TRIM36: variants seen among roughly 807,000 people sequenced by gnomAD.
TRIM36 encodes tripartite motif containing 36.
TRIM36 carries 42 observed loss-of-function variants against 72.4 expected under a neutral mutation model. The ratio of observed to expected loss-of-function variants is 0.58; its 90% CI spans 0.45 to 0.75. TRIM36 has a LOEUF of 0.75. Among genes scored for constraint, TRIM36 ranks in the 30% least tolerant of loss-of-function variants. TRIM36 has a pLI of 0.00. For synonymous variants in TRIM36, 315 were observed against 282.8 expected, an observed-to-expected ratio of 1.11 and a Z score of -1.14; for missense variants, 913 against 857.1, an observed-to-expected ratio of 1.07 and a Z score of -0.81.
chr5:115,157,171 T>C (rs1754217748), intron 2 of TRIM36, among the ~76,000 whole-genome samples: 1 of 151,066 alleles, frequency 6.6e-6, no homozygotes, highest in South Asian at 2.1e-4. Flanking sequence ...CAGTAGATGT[T>C]GGCGTGGATG....
Position 115,163,626 on chromosome 5 carries a change from G to C in TRIM36, c.154C>G (p.Leu52Val). 1 of 1,614,170 alleles carries C rather than the reference G, an allele frequency of 6.2e-7. No individual in the cohort carries two copies. ...HKCVKELLLT[L>V]DDSFNDVGSD... The stretch of plus-strand genomic sequence containing the variant: ...CCCACATCGTTGAATGAATCATCGA[G>C]AGTCAGCAGGAGTTCTTTTACACAT... The change falls in exon 2 of 10, where the codon CTC becomes GTC. Residue 52 changes from leucine (L) to valine (V), a missense_variant. Transcript: ENST00000513154.
intron 4 of TRIM36, among the ~76,000 whole-genome samples, chr5:115,144,299 T>C (rs1753455157): frequency 6.6e-6 from 1 of 152,160 alleles, no homozygotes; most frequent in African/African-American, 2.4e-5. Context: ...TATACATCCA[T>C]TATCATAGAC....
chr5:115,141,429 T>C lies in TRIM36; in HGVS notation c.736-55A>G, dbSNP rs556587700. ...ACAAAACGGGAGTTTAGCAAAGACTTTGCAGAATTTTTTTTTAATTACACA... is the reference window on the plus strand; with the variant it reads ...ACAAAACGGGAGTTTAGCAAAGACTCTGCAGAATTTTTTTTTAATTACACA... On this transcript the variant is annotated intron_variant, in intron 4 of 9. Transcript: ENST00000513154. 2.1e-5 allele frequency: 28 copies of C among 1,319,110 alleles called. 1 individual carries two copies. Among genetic ancestry groups the C allele is most frequent in the Admixed American group, 8.0e-5 (3 of 37,562 alleles). 81.7% of individuals were successfully genotyped at this position (1,319,110 alleles called of 1,614,324 possible).
chr5:115,147,006 T>C, intron 3 of TRIM36, 63 bp downstream of exon 3: 2 of 1,367,452 alleles, frequency 1.5e-6, no homozygotes, highest in Middle Eastern at 3.9e-4. Flanking sequence ...TAACATTAAG[T>C]ACATAAAAGT....
chr5:115,167,641 A>G (rs1334471461), intron 1 of TRIM36, among the ~76,000 whole-genome samples: 1 of 152,224 alleles, frequency 6.6e-6, no homozygotes, highest in Non-Finnish European at 1.5e-5. Flanking sequence ...CCATACCACT[A>G]GCAGAATTTT....
Position 115,130,607 on chromosome 5 carries a change from T to C in TRIM36, c.1781A>G (p.Asp594Gly), listed in dbSNP as rs1752624344. ...KLQEWLRSPRDAVSPRYEQDS... is the reference protein window; with the variant it reads ...KLQEWLRSPRGAVSPRYEQDS... ...AAAAACCTACCTTGGACTAACTGCATCCCGGGGAGAACGGAGCCATTCTTG... is the reference window on the plus strand; with the variant it reads ...AAAAACCTACCTTGGACTAACTGCACCCCGGGGAGAACGGAGCCATTCTTG... The change falls in exon 9 of 10, where the codon GAT becomes GGT. Residue 594 changes from aspartate to glycine, a missense_variant. Asp to Gly is a moderately conservative substitution (Grantham distance 94). Transcript: ENST00000513154. The C allele has an allele frequency of 6.2e-7, 1 of 1,613,854 alleles. No homozygotes were observed. The highest frequency in any genetic ancestry group is 1.3e-5 in the African/African-American group (1 of 74,910).
chr5:115,131,971 G>C (rs1387427857), intron 8 of TRIM36, among the ~76,000 whole-genome samples: 1 of 152,058 alleles, frequency 6.6e-6, no homozygotes, highest in Non-Finnish European at 1.5e-5. Flanking sequence ...AAACAATACT[G>C]TAAATGTACT....
intron 8 of TRIM36, among the ~76,000 whole-genome samples, chr5:115,133,483 C>A (rs911597391): frequency 6.6e-6 from 1 of 152,004 alleles, no homozygotes; most frequent in Admixed American, 6.5e-5. Context: ...GGATATTAGA[C>A]CAATAAATTT....
rs374513175 is a variant in TRIM36 at position 115,141,679 on chromosome 5, G to C, written c.736-305C>G. Among the ~76,000 whole-genome samples, 18 of 152,134 alleles carry C rather than the reference G, an allele frequency of 1.2e-4. 4 individuals are homozygous for C. Among genetic ancestry groups the C allele is most frequent in the East Asian group, 1.9e-4 (1 of 5,180 alleles). ...TTTTATTGTTTCATTATCATTCCTA[G>C]AGCTCCTGCTCCTAAGGCTTCTAAG... On this transcript the variant is annotated intron_variant, in intron 4 of 9. Coordinates refer to ENST00000513154, the MANE Select transcript of TRIM36 (RefSeq NM_001300759.2).
chr5:115,159,762 C>G, intron 2 of TRIM36: 1 of 414,158 alleles, frequency 2.4e-6, no homozygotes. Flanking sequence ...GTAACTGTGT[C>G]CTGAAAATAA....
chr5:115,172,464 A>G (rs7716390), upstream of TRIM36, among the ~76,000 whole-genome samples: 60,617 of 152,082 alleles, frequency 0.4, 14,270 homozygotes, highest in African/African-American at 0.66. Context: ...TAATGTGTGC[A>G]GTGGCCCACA....
chr5:115,126,210 G>A lies in TRIM36; in HGVS notation c.*293C>T, dbSNP rs1752352655. 7.2e-6 allele frequency: 2 copies of A among 279,240 alleles called. No homozygotes were observed. Among genetic ancestry groups the A allele is most frequent in the Admixed American group, 9.4e-5 (2 of 21,218 alleles). The allele number at this position is 279,240 out of a possible 1,614,324, so 17.3% of individuals were successfully genotyped here. On this transcript the variant is annotated 3_prime_UTR_variant, in exon 10 of 10. Coordinates refer to ENST00000513154, the MANE Select transcript of TRIM36 (RefSeq NM_001300759.2). ...CATAAGGAAAGTGTCAGCAACACCA[G>A]CTGACAGAAATAAATTAGATATCCT...
intron 5 of TRIM36, among the ~76,000 whole-genome samples, chr5:115,139,933 G>A (rs1753185998): frequency 6.6e-6 from 1 of 152,108 alleles, no homozygotes. Flanking sequence ...AGAGCAGCAG[G>A]ACTGAGAGGA....
At chr5:115,179,466 C>T (rs115253040) in intron 1 of TRIM36, among the ~76,000 whole-genome samples, 2,493 of 152,342 alleles carry the variant, frequency 0.016, 30 homozygotes, top group Non-Finnish European at 0.024. Flanking sequence ...CAGGGCAGGG[C>T]GAACGAACGT....
At chr5:115,168,904 T>C (rs1754930385) in intron 1 of TRIM36, 1 of 152,266 alleles carries the variant, frequency 6.6e-6, no homozygotes, top group Non-Finnish European at 1.5e-5. Context: ...TCCATTTTCT[T>C]GTACATAAAG....
intron 2 of TRIM36, among the ~76,000 whole-genome samples, chr5:115,159,453 T>C (rs1250050634): frequency 6.6e-6 from 1 of 152,232 alleles, no homozygotes; most frequent in Admixed American, 6.5e-5. Flanking sequence ...TGTTTTCTTT[T>C]AAAAACATCA....
chr5:115,138,250 C>T lies in TRIM36; in HGVS notation c.832-634G>A, dbSNP rs147773371. ...AAGTAGCTGGGACTACAGGCACATG[C>T]CACCACGCCCAGCTTTTTTTCAATA... On this transcript the variant is annotated intron_variant, in intron 5 of 9. Transcript: ENST00000513154. Among the ~76,000 whole-genome samples, 1,350 of 152,228 alleles carry T rather than the reference C, an allele frequency of 8.9e-3. 19 individuals carry two copies. Among genetic ancestry groups the T allele is most frequent in the African/African-American group, 0.031 (1,308 of 41,530 alleles).
chr5:115,141,926 T>C (rs1056622528), intron 4 of TRIM36, among the ~76,000 whole-genome samples: 9 of 152,176 alleles, frequency 5.9e-5, no homozygotes, highest in African/African-American at 1.9e-4. Flanking sequence ...CTTTGAATAA[T>C]CTGTCTGTAA....
At chr5:115,148,263 T>A (rs537828980) in intron 2 of TRIM36, 817 of 867,372 alleles carry the variant, frequency 9.4e-4, no homozygotes, top group Non-Finnish European at 1.1e-3. Context: ...ATGAATGACC[T>A]TAAACATCAC....
Sources: gnomAD v4.1 joint callset for allele counts (sites outside exome capture counted in the v4.1 genomes callset) on GRCh38, gnomAD v4.1.1 for gene constraint, MANE v1.5 for transcripts, NCBI Gene and HGNC (gene_info 2026-07-23, HGNC 2026-07-21) for gene names.